The following KLHL3 variants were observed in gnomAD, a reference collection of about 807,000 sequenced individuals.
The protein encoded by KLHL3 is kelch like family member 3.
KLHL3 carries 19 observed loss-of-function variants against 70.5 expected under a neutral mutation model. The observed-to-expected ratio is 0.27, with a 90% CI of 0.19 to 0.40. The LOEUF (loss-of-function observed/expected upper bound fraction) is 0.40, where lower values mean the gene tolerates loss of function less well. Ranked by LOEUF, KLHL3 falls within the 10% of genes least tolerant of loss-of-function variation. The probability of loss-of-function intolerance (pLI) is 1.00; values close to 1 mark genes in which losing one functional copy is unlikely to be tolerated. For synonymous variants in KLHL3, 258 were observed against 290.3 expected (o/e 0.89, Z 1.13); for missense variants, 512 against 771.1 (o/e 0.66, Z 3.98).
chr5:137,627,615 T>C (rs1750510160), intron 13 of KLHL3, among the ~76,000 whole-genome samples: 1 of 151,930 alleles, frequency 6.6e-6, no homozygotes, highest in African/African-American at 2.4e-5. Flanking sequence ...AAGCCAACAC[T>C]TTCCTAAAGC....
chr5:137,665,955 A>T (rs948629395), intron 6 of KLHL3, among the ~76,000 whole-genome samples: 20 of 152,194 alleles, frequency 1.3e-4, no homozygotes, highest in African/African-American at 4.8e-4. Flanking sequence ...ATATCAAATA[A>T]CCTATATGTG....
In KLHL3 at chr5:137,692,340, T is replaced by C. The variant is rs2905608; in HGVS notation, c.471A>G (p.Ala157=). The C allele has an allele frequency of 0.78, 1,250,648 of 1,613,152 alleles. 486,367 individuals carry two copies. The highest frequency in any genetic ancestry group is 0.97 in the East Asian group (43,733 of 44,872). The change falls in exon 5 of 15, where the codon GCA becomes GCG. Residue 157 remains alanine (A), a synonymous_variant. Coordinates refer to ENST00000309755, the MANE Select transcript of KLHL3 (RefSeq NM_017415.3). ...CAGTGCAGGTGTGTACATCTGCAAA[T>C]GCACGGATGCCCAGGCAATTGGTGG... ...LHPTNCLGIR[A]FADVHTCTDL...
At chr5:137,681,951 T>A (rs1752036445) in intron 5 of KLHL3, among the ~76,000 whole-genome samples, 1 of 152,052 alleles carries the variant, frequency 6.6e-6, no homozygotes, top group Admixed American at 6.6e-5. Flanking sequence ...TTCAGTCTTT[T>A]CCCCATCAAG....
chr5:137,638,453 C>G (rs1009561327), intron 10 of KLHL3, among the ~76,000 whole-genome samples: 1 of 152,130 alleles, frequency 6.6e-6, no homozygotes, highest in Non-Finnish European at 1.5e-5. Flanking sequence ...AATTTTGAAG[C>G]TAGATAGAGT....
At chr5:137,722,949 G>A (rs1359703346) in intron 1 of KLHL3, among the ~76,000 whole-genome samples, 4 of 152,186 alleles carry the variant, frequency 2.6e-5, no homozygotes, top group African/African-American at 7.2e-5. Flanking sequence ...GATTACTGGC[G>A]TGAGCCACTG....
intron 5 of KLHL3, among the ~76,000 whole-genome samples, chr5:137,686,773 T>C (rs891197372): frequency 6.6e-6 from 1 of 152,216 alleles, no homozygotes; most frequent in African/African-American, 2.4e-5. Flanking sequence ...GCATGGATAA[T>C]CATTTTCTAC....
chr5:137,641,708 A>G (rs1001745573), intron 8 of KLHL3, among the ~76,000 whole-genome samples: 2 of 152,140 alleles, frequency 1.3e-5, no homozygotes, highest in African/African-American at 4.8e-5. Flanking sequence ...ATTCCAGAAC[A>G]GGCTCACCCA....
intron 5 of KLHL3, among the ~76,000 whole-genome samples, chr5:137,682,434 AG>A (rs1491253461): frequency 4.7e-5 from 7 of 148,346 alleles, no homozygotes; most frequent in African/African-American, 7.4e-5. Flanking sequence ...AGAGAGAGAG[AG>A]GCATAGACAG....
At position 137,703,874 on chromosome 5, in the gene KLHL3, C is replaced by CAA. The variant is rs34155675; in HGVS notation, c.242-5468_242-5467dup. On this transcript the variant is annotated intron_variant, in intron 3 of 14. Transcript: ENST00000309755. ...CCTCTGTGTCATTACATAGTGACTACAAAAAAAAAAAAAATCAACCCTAAT... is the reference window on the plus strand; with the variant it reads ...CCTCTGTGTCATTACATAGTGACTACAAAAAAAAAAAAAAAATCAACCCTAAT... 8.8e-3 allele frequency among the ~76,000 whole-genome samples: 1,192 copies of CAA among 134,756 alleles called. 10 individuals carry two copies. The highest frequency in any genetic ancestry group is 0.013 in the Non-Finnish European group (807 of 62,668). The allele number at this position is 134,756 out of a possible 152,430, so 88.4% of individuals were successfully genotyped here.
intron 8 of KLHL3, among the ~76,000 whole-genome samples, chr5:137,652,210 T>G (rs1751218274): frequency 6.6e-6 from 1 of 152,072 alleles, no homozygotes; most frequent in Admixed American, 6.5e-5. Context: ...AATTAAAAAC[T>G]TATGCACTTC....
Position 137,619,410 on chromosome 5 carries a change from C to T in KLHL3, c.*2688G>A, listed in dbSNP as rs969997837. On this transcript the variant is annotated 3_prime_UTR_variant, in exon 15 of 15. Transcript: ENST00000309755. The stretch of plus-strand genomic sequence containing the variant: ...TCAAATCAGTATCCAAGTGGCGTCT[C>T]GGCTGCTTCTAACCTTGGGCCTCAA... 1 of 152,630 alleles carries T rather than the reference C, an allele frequency of 6.6e-6. No individual in the cohort carries two copies. The highest frequency in any genetic ancestry group is 2.1e-4 in the South Asian group (1 of 4,828). The allele number at this position is 152,630 out of a possible 1,614,324, so 9.5% of individuals were successfully genotyped here.
chr5:137,619,068 A>C lies in KLHL3; in HGVS notation c.*3030T>G, dbSNP rs1756321812. The C allele has an allele frequency of 6.6e-6, 1 of 152,646 alleles. No individual in the cohort carries two copies. The highest frequency in any genetic ancestry group is 6.5e-5 in the Admixed American group (1 of 15,286). The allele number at this position is 152,646 out of a possible 1,614,324, so 9.5% of individuals were successfully genotyped here. On this transcript the variant is annotated 3_prime_UTR_variant, in exon 15 of 15. Coordinates refer to ENST00000309755, the MANE Select transcript of KLHL3 (RefSeq NM_017415.3). ...AAAGCGATTCAAACTCTTGAAAAAAATATCTTATAAAAATATCTACGTTAA... is the reference window on the plus strand; with the variant it reads ...AAAGCGATTCAAACTCTTGAAAAAACTATCTTATAAAAATATCTACGTTAA...
At chr5:137,674,330 G>A (rs536444846) in intron 6 of KLHL3, among the ~76,000 whole-genome samples, 3 of 152,130 alleles carry the variant, frequency 2.0e-5, no homozygotes, top group East Asian at 3.9e-4. Flanking sequence ...ACTTGTATAC[G>A]GTACATACAT....
At chr5:137,699,653 G>T (rs1252529283) in intron 3 of KLHL3, among the ~76,000 whole-genome samples, 1 of 152,120 alleles carries the variant, frequency 6.6e-6, no homozygotes, top group Non-Finnish European at 1.5e-5. Context: ...ACAACACACG[G>T]GTTTATCGAA....
rs571539969 is a variant in KLHL3, at chr5:137,621,739, C to G, written c.*359G>C. 21 of 265,970 alleles carry G rather than the reference C, an allele frequency of 7.9e-5. No individual in the cohort carries two copies. In the East Asian group the frequency reaches 1.2e-3, roughly 15 times the overall value. 16.5% of individuals were successfully genotyped at this position (265,970 alleles called of 1,614,324 possible). Reference sequence around the variant, plus strand: ...TCCAGTAGACTGTCACACACGCTCACCCCCCAACTTAGAGAAACATAGAGA... The same window carrying G: ...TCCAGTAGACTGTCACACACGCTCAGCCCCCAACTTAGAGAAACATAGAGA... On this transcript the variant is annotated 3_prime_UTR_variant, in exon 15 of 15. Coordinates refer to ENST00000309755, the MANE Select transcript of KLHL3 (RefSeq NM_017415.3).
chr5:137,659,461 C>G (rs1406016757), intron 7 of KLHL3, among the ~76,000 whole-genome samples: 2 of 152,166 alleles, frequency 1.3e-5, no homozygotes, highest in Non-Finnish European at 2.9e-5. Context: ...GTACCTCTGA[C>G]CACCTCCCTC....
chr5:137,650,370 T>C (rs1283912277), intron 8 of KLHL3, among the ~76,000 whole-genome samples: 12 of 152,230 alleles, frequency 7.9e-5, no homozygotes, highest in African/African-American at 2.2e-4. Context: ...CTCACTCCAT[T>C]GCAATTGTCC....
At position 137,625,801 on chromosome 5, in the gene KLHL3, T is replaced by C. The variant is rs774186811; in HGVS notation, c.1687A>G (p.Lys563Glu). The stretch of plus-strand genomic sequence containing the variant: ...ATGTTCGTTGGAAGCAGCGTCCATT[T>C]GTCAGTGACAGGATTGTAGTACTCC... The part of the protein sequence containing the change: ...SVEYYNPVTD[K>E]WTLLPTNMST... Residue 563 changes from lysine (K) to glutamate (E), a missense_variant, in exon 14 of 15, where the codon AAA becomes GAA. Transcript: ENST00000309755. The C allele has an allele frequency of 1.7e-5, 28 of 1,614,170 alleles. No individual in the cohort carries two copies. The South Asian group carries it at 3.1e-4, about 18-fold the overall frequency.
chr5:137,669,420 T>C (rs1212629934), intron 6 of KLHL3, among the ~76,000 whole-genome samples: 1 of 150,192 alleles, frequency 6.7e-6, no homozygotes, highest in Non-Finnish European at 1.5e-5. Flanking sequence ...AATGAATGTA[T>C]GTATGGTTCT....
Sources: gnomAD v4.1 joint callset for allele counts (sites outside exome capture counted in the v4.1 genomes callset) on GRCh38, gnomAD v4.1.1 for gene constraint, MANE v1.5 for transcripts, NCBI Gene and HGNC (gene_info 2026-07-23, HGNC 2026-07-21) for gene names.